RALGPS2: variants seen among roughly 807,000 people sequenced by gnomAD.
RALGPS2 encodes ras-specific guanine nucleotide-releasing factor RalGPS2.
RALGPS2 carries 43 observed loss-of-function variants against 86.8 expected under a neutral mutation model. That is an observed-to-expected ratio of 0.50 (90% CI 0.39 to 0.64). RALGPS2 has a LOEUF of 0.64. RALGPS2 is among the 30% of genes least tolerant of loss of function. The pLI, the probability that RALGPS2 is intolerant of heterozygous loss-of-function variation, is 0.00. For missense variants in RALGPS2, 536 were observed against 694.6 expected, an observed-to-expected ratio of 0.77 and a Z score of 2.57; for synonymous variants, 243 against 231.3, an observed-to-expected ratio of 1.05 and a Z score of -0.46.
chr1:178,823,042 G>A (rs574928120), intron 7 of RALGPS2, among the ~76,000 whole-genome samples: 3 of 152,182 alleles, frequency 2.0e-5, no homozygotes, highest in Admixed American at 6.5e-5. Flanking sequence ...GGCTGTTTTC[G>A]AACGCCTGAT....
chr1:178,759,527 C>CTT (rs59419655), intron 1 of RALGPS2, among the ~76,000 whole-genome samples: 7 of 115,048 alleles, frequency 6.1e-5, no homozygotes, highest in Admixed American at 2.6e-4. Context: ...CAGTTTTGTT[C>CTT]TTTTTTTTTT....
At chr1:178,817,760 T>A (rs548898089) in intron 6 of RALGPS2, among the ~76,000 whole-genome samples, 1 of 152,362 alleles carries the variant, frequency 6.6e-6, no homozygotes, top group South Asian at 2.1e-4. Flanking sequence ...GGTTTATTTC[T>A]GTTTAAGTTT....
chr1:178,872,840 A>C (rs1425109706), intron 8 of RALGPS2, among the ~76,000 whole-genome samples: 2 of 152,182 alleles, frequency 1.3e-5, no homozygotes, highest in Non-Finnish European at 2.9e-5. Flanking sequence ...AGATATGTTA[A>C]ATTGAAAATG....
intron 13 of RALGPS2, among the ~76,000 whole-genome samples, chr1:178,889,383 A>G (rs968404029): frequency 2.0e-5 from 3 of 152,058 alleles, no homozygotes; most frequent in African/African-American, 7.2e-5. Flanking sequence ...GACATAATGA[A>G]TTTCAGCTAC....
intron 1 of RALGPS2, among the ~76,000 whole-genome samples, chr1:178,772,570 A>G (rs1353346294): frequency 1.3e-5 from 2 of 152,148 alleles, no homozygotes; most frequent in African/African-American, 2.4e-5. Context: ...TCCCTTTAAT[A>G]TTTAATCATT....
At chr1:178,766,984 C>T (rs1384348269) in intron 1 of RALGPS2, among the ~76,000 whole-genome samples, 2 of 152,146 alleles carry the variant, frequency 1.3e-5, no homozygotes, top group East Asian at 1.9e-4. Context: ...ATTCTTTTCT[C>T]ATCTTGGTTG....
At position 178,893,158 on chromosome 1, in the gene RALGPS2, G is replaced by T. The variant is rs1389424742; in HGVS notation, c.1326-761G>T. 2.0e-5 allele frequency among the ~76,000 whole-genome samples: 3 copies of T among 151,950 alleles called. No individual in the cohort carries two copies. In the East Asian group the frequency reaches 5.8e-4, roughly 29 times the overall value. On this transcript the variant is annotated intron_variant, in intron 15 of 19. Coordinates refer to ENST00000367635, the MANE Select transcript of RALGPS2 (RefSeq NM_152663.5). ...TTTTTGTCAGCATGTATGTTTTATT[G>T]GCTCATGTAGAAATCATTAATTATT...
intron 14 of RALGPS2, among the ~76,000 whole-genome samples, chr1:178,890,345 C>T (rs1243238881): frequency 6.6e-6 from 1 of 151,810 alleles, no homozygotes. Context: ...ATTAAATGTC[C>T]ATTAGGATTC....
At chr1:178,737,487 C>T (rs1389390710) in intron 1 of RALGPS2, among the ~76,000 whole-genome samples, 1 of 152,228 alleles carries the variant, frequency 6.6e-6, no homozygotes, top group Admixed American at 6.5e-5. Context: ...ACCTCGTGAT[C>T]CACCTGCCTC....
chr1:178,744,652 A>G lies in RALGPS2; in HGVS notation c.-84+19233A>G, dbSNP rs536129011. Among the ~76,000 whole-genome samples the G allele has an allele frequency of 1.6e-3, 236 of 152,030 alleles. 1 individual carries two copies. The highest frequency in any genetic ancestry group is 7.1e-3 in the South Asian group (34 of 4,800). On this transcript the variant is annotated intron_variant, in intron 1 of 19. Transcript: ENST00000367635. ...AACATGGTGAAACCCCGTCTCTACTAATAATACAAAAAAAATTAGCGCGGC... is the reference window on the plus strand; with the variant it reads ...AACATGGTGAAACCCCGTCTCTACTGATAATACAAAAAAAATTAGCGCGGC...
At chr1:178,877,661 G>A (rs1659059764) in intron 9 of RALGPS2, 26 bp downstream of exon 9, 1 of 1,610,510 alleles carries the variant, frequency 6.2e-7, no homozygotes, top group Non-Finnish European at 8.5e-7. Flanking sequence ...ATAATGCCAA[G>A]CCATTAAGAT....
At chr1:178,756,732 G>T (rs1167248083) in intron 1 of RALGPS2, among the ~76,000 whole-genome samples, 1 of 151,868 alleles carries the variant, frequency 6.6e-6, no homozygotes, top group Non-Finnish European at 1.5e-5. Flanking sequence ...TATTGAATCT[G>T]CAGATTGCTT....
intron 4 of RALGPS2, among the ~76,000 whole-genome samples, chr1:178,799,735 A>G (rs1380719704): frequency 1.3e-5 from 2 of 152,142 alleles, no homozygotes; most frequent in African/African-American, 4.8e-5. Flanking sequence ...TGTGTTCAAC[A>G]CCAAAGGCTC....
intron 1 of RALGPS2, among the ~76,000 whole-genome samples, chr1:178,742,189 A>G (rs1651075259): frequency 6.6e-6 from 1 of 152,062 alleles, no homozygotes; most frequent in Non-Finnish European, 1.5e-5. Flanking sequence ...GATTAAAAAA[A>G]CAAGAGTTAA....
chr1:178,776,335 T>C (rs1360124428), intron 1 of RALGPS2, among the ~76,000 whole-genome samples: 2 of 152,240 alleles, frequency 1.3e-5, no homozygotes, highest in Non-Finnish European at 2.9e-5. Context: ...TATTGTGTTG[T>C]GGTATGTGTT....
chr1:178,768,895 G>C lies in RALGPS2; in HGVS notation c.-83-7787G>C, dbSNP rs1169329175. ...ATAATCCAGGAGAGTGGGTGCTCCA[G>C]ATGCTTGGAGATATGCCTGGGACCT... On this transcript the variant is annotated intron_variant, in intron 1 of 19. Transcript: ENST00000367635. 1.1e-4 allele frequency among the ~76,000 whole-genome samples: 16 copies of C among 152,288 alleles called. No individual in the cohort carries two copies. In the East Asian group the frequency reaches 3.1e-3, roughly 29 times the overall value.
At chr1:178,771,621 T>A (rs1425210971) in intron 1 of RALGPS2, among the ~76,000 whole-genome samples, 1 of 152,176 alleles carries the variant, frequency 6.6e-6, no homozygotes, top group African/African-American at 2.4e-5. Context: ...AAAAACTGTT[T>A]TTGTTTTTTT....
chr1:178,754,602 A>G (rs946211813), intron 1 of RALGPS2, among the ~76,000 whole-genome samples: 1 of 152,160 alleles, frequency 6.6e-6, no homozygotes, highest in Non-Finnish European at 1.5e-5. Flanking sequence ...GGTCTGCCAC[A>G]TTGGGTGGGC....
At chr1:178,825,795 A>G (rs1178688298) in intron 7 of RALGPS2, among the ~76,000 whole-genome samples, 3 of 152,222 alleles carry the variant, frequency 2.0e-5, no homozygotes, top group Non-Finnish European at 4.4e-5. Flanking sequence ...ACATGTGGCT[A>G]GTGGCTATCA....
Sources: allele counts gnomAD v4.1 joint callset (sites outside exome capture counted in the v4.1 genomes callset), GRCh38; gene constraint gnomAD v4.1.1; transcripts MANE v1.5; gene names NCBI Gene and HGNC (gene_info 2026-07-23, HGNC 2026-07-21).